ATAD2: variants seen among roughly 807,000 people sequenced by gnomAD.
ATAD2 encodes the protein ATPase family AAA domain containing 2, also known as ATPase family AAA domain-containing protein 2.
ATAD2 carries 62 observed loss-of-function variants against 168.9 expected under a neutral mutation model. The ratio of observed to expected loss-of-function variants is 0.37; its 90% CI spans 0.30 to 0.45. The LOEUF (loss-of-function observed/expected upper bound fraction) is 0.45. ATAD2 is among the 20% of genes least tolerant of loss of function. The pLI, the probability that ATAD2 is intolerant of heterozygous loss-of-function variation, is 1.00. For synonymous variants in ATAD2, 613 were observed against 571.6 expected (o/e 1.07, Z -1.03); for missense variants, 1,419 against 1,667.8 (o/e 0.85, Z 2.60).
chr8:123,353,745 A>C lies in ATAD2; in HGVS notation c.1646+2644T>G, dbSNP rs566720770. Reference sequence around the variant, plus strand: ...GCTTCTAGGCCTGTTTAAAGTGTCCAGAGTTAGGATTTTTTTTTTCTTTAA... The same window carrying C: ...GCTTCTAGGCCTGTTTAAAGTGTCCCGAGTTAGGATTTTTTTTTTCTTTAA... On this transcript the variant is annotated intron_variant, in intron 13 of 27. Coordinates refer to ENST00000287394, the MANE Select transcript of ATAD2 (RefSeq NM_014109.4). Among the ~76,000 whole-genome samples, 17 of 152,300 alleles carry C rather than the reference A, an allele frequency of 1.1e-4. No homozygotes were observed. In the South Asian group the frequency reaches 3.5e-3, roughly 32 times the overall value.
chr8:123,407,395 G>C (rs1813082059), intron 1 of ATAD2, among the ~76,000 whole-genome samples: 1 of 152,144 alleles, frequency 6.6e-6, no homozygotes, highest in South Asian at 2.1e-4. Context: ...AACTATTCTA[G>C]TTAGGAGTGA....
rs534941967 is a variant in ATAD2 at position 123,391,475 on chromosome 8, GAGA to G, written c.171+4709_171+4711del. On this transcript the variant is annotated intron_variant, in intron 1 of 27. Transcript: ENST00000287394. ...TAAGATCAGCCTGATCAGAGGTAAT[GAGA>G]AGTTTTGAAAAAAAAAAAAAAAAAA... Among the ~76,000 whole-genome samples the G allele has an allele frequency of 6.5e-4, 62 of 95,422 alleles. No homozygotes were observed. In the East Asian group the frequency reaches 0.017, roughly 26 times the overall value. The allele number at this position is 95,422 out of a possible 152,430, so 62.6% of individuals were successfully genotyped here.
chr8:123,411,010 C>T (rs894414321), intron 1 of ATAD2, among the ~76,000 whole-genome samples: 3 of 152,178 alleles, frequency 2.0e-5, no homozygotes, highest in Admixed American at 2.0e-4. Flanking sequence ...ATAACACTCA[C>T]CGCATGGCCC....
intron 24 of ATAD2, among the ~76,000 whole-genome samples, chr8:123,332,649 C>T (rs1159680423): frequency 6.6e-6 from 1 of 152,152 alleles, no homozygotes; most frequent in Non-Finnish European, 1.5e-5. Context: ...TCTTTCCATT[C>T]TACTGGTAAT....
Position 123,402,363 on chromosome 8 carries a change from G to A in ATAD2, c.-2281-1188C>T, listed in dbSNP as rs1324113294. Among the ~76,000 whole-genome samples, 2 of 152,094 alleles carry A rather than the reference G, an allele frequency of 1.3e-5. No homozygotes were observed. Among genetic ancestry groups the A allele is most frequent in the Non-Finnish European group, 2.9e-5 (2 of 67,964 alleles). ...AGCCAGCTGGGCTTTCAGGCCCTAC[G>A]CCTGCTTCAGGTCTTGCTGCAGCCT... On this transcript the variant is annotated intron_variant, in intron 1 of 28. Coordinates refer to the ATAD2 transcript ENST00000521903. The surrounding 1 kb of genome is among the most constrained non-coding windows in gnomAD (Gnocchi z 4.8).
At chr8:123,398,400 T>A (rs1812952968), upstream of ATAD2, among the ~76,000 whole-genome samples, 3 of 151,880 alleles carry the variant, frequency 2.0e-5, no homozygotes, top group African/African-American at 7.3e-5. Flanking sequence ...CCAGCTAATT[T>A]TTGTATTTTT....
chr8:123,399,530 AG>A (rs1294533286), upstream of ATAD2, among the ~76,000 whole-genome samples: 2 of 152,182 alleles, frequency 1.3e-5, no homozygotes, highest in Admixed American at 1.3e-4. Context: ...GAGTGGTTGA[AG>A]GAAGAGGAGA....
intron 9 of ATAD2, 62 bp from the exon 10 acceptor site, chr8:123,359,747 C>T: frequency 2.7e-6 from 3 of 1,123,268 alleles, no homozygotes; most frequent in South Asian, 1.4e-5. Context: ...TCCCAAATTC[C>T]ATGTTTGAAT....
chr8:123,327,278 T>C (rs1270319477), intron 25 of ATAD2, among the ~76,000 whole-genome samples: 2 of 152,160 alleles, frequency 1.3e-5, no homozygotes, highest in African/African-American at 4.8e-5. Flanking sequence ...CTTCCTGATA[T>C]CGAAGCAAGT....
upstream of ATAD2, among the ~76,000 whole-genome samples, chr8:123,396,813 C>T (rs1812869168): frequency 6.6e-6 from 1 of 152,166 alleles, no homozygotes; most frequent in African/African-American, 2.4e-5. Context: ...CTCCCCACCC[C>T]TGTTGACACC....
intron 25 of ATAD2, among the ~76,000 whole-genome samples, chr8:123,327,447 A>G (rs1827644053): frequency 1.3e-5 from 2 of 152,192 alleles, no homozygotes; most frequent in East Asian, 3.8e-4. Context: ...TAATTACTCA[A>G]ATACACTTAG....
chr8:123,379,082 G>A (rs1358110940), intron 2 of ATAD2, among the ~76,000 whole-genome samples: 2 of 152,138 alleles, frequency 1.3e-5, no homozygotes, highest in Non-Finnish European at 2.9e-5. Flanking sequence ...ACAGGTGTGA[G>A]CCACAGTGCC....
intron 25 of ATAD2, among the ~76,000 whole-genome samples, chr8:123,326,829 A>C (rs1265917846): frequency 6.6e-6 from 1 of 152,226 alleles, no homozygotes; most frequent in Non-Finnish European, 1.5e-5. Context: ...TCTTTAAAGA[A>C]GTCTGCTGAT....
intron 6 of ATAD2, 79 bp from the exon 7 acceptor site, chr8:123,370,103 G>T: frequency 4.8e-5 from 55 of 1,142,962 alleles, no homozygotes; most frequent in Non-Finnish European, 5.2e-5. Context: ...AGTTGGGAGA[G>T]AAAGATCCAC....
At chr8:123,345,528 T>A (rs968277622) in intron 18 of ATAD2, among the ~76,000 whole-genome samples, 14 of 135,216 alleles carry the variant, frequency 1.0e-4, no homozygotes, top group South Asian at 2.2e-4. Context: ...AAAAAAAAAA[T>A]TAGCTGGGTG....
At chr8:123,382,266 C>T (rs1400120465) in intron 1 of ATAD2, among the ~76,000 whole-genome samples, 1 of 152,118 alleles carries the variant, frequency 6.6e-6, no homozygotes, top group Non-Finnish European at 1.5e-5. Context: ...TTGATTTGAG[C>T]AAAATATTTG....
At chr8:123,400,936 C>A, upstream of ATAD2, 1 of 1,400,514 alleles carries the variant, frequency 7.1e-7, no homozygotes, top group East Asian at 2.3e-5. This position sits in a 1 kb window ranked among gnomAD's most constrained non-coding sequence, Gnocchi z 4.5. Flanking sequence ...CCCCATGGTG[C>A]TGAGCCCCTC....
chr8:123,324,015 C>T (rs1300909723), intron 26 of ATAD2, among the ~76,000 whole-genome samples: 1 of 152,168 alleles, frequency 6.6e-6, no homozygotes. Flanking sequence ...TAACCCCAAA[C>T]AACATAACAC....
At chr8:123,321,532 T>C (rs1827467331) in intron 27 of ATAD2, among the ~76,000 whole-genome samples, 1 of 151,750 alleles carries the variant, frequency 6.6e-6, no homozygotes, top group African/African-American at 2.4e-5. Flanking sequence ...ACTATATATA[T>C]ACTAATGGTT....
Sources: gnomAD v4.1 joint callset for allele counts (sites outside exome capture counted in the v4.1 genomes callset) on GRCh38, gnomAD v4.1.1 for gene constraint, Gnocchi (gnomAD v3.1) non-coding constraint, MANE v1.5 for transcripts, NCBI Gene and HGNC (gene_info 2026-07-23, HGNC 2026-07-21) for gene names.